ESYT2: variants seen among roughly 807,000 people sequenced by gnomAD.
ESYT2 encodes the protein extended synaptotagmin 2.
In ESYT2, 54 loss-of-function variants were observed where a neutral mutation model predicts 107.2. The observed-to-expected ratio is 0.50, with a 90% CI of 0.40 to 0.63. ESYT2 has a LOEUF of 0.63. Ranked by LOEUF, ESYT2 falls within the 30% of genes least tolerant of loss-of-function variation. The probability of loss-of-function intolerance (pLI) is 0.00; values close to 1 mark genes in which losing one functional copy is unlikely to be tolerated. For missense variants in ESYT2, 1,020 were observed against 1,094.5 expected (o/e 0.93, Z 0.96); for synonymous variants, 491 against 434.1 (o/e 1.13, Z -1.63).
intron 4 of ESYT2, among the ~76,000 whole-genome samples, chr7:158,791,057 T>C (rs770563153): frequency 2.6e-5 from 4 of 152,182 alleles, no homozygotes; most frequent in Non-Finnish European, 5.9e-5. Flanking sequence ...CGGACCATTT[T>C]TCAACTTGCA....
intron 16 of ESYT2, among the ~76,000 whole-genome samples, chr7:158,745,522 C>A (rs898648534): frequency 5.3e-5 from 8 of 152,210 alleles, no homozygotes; most frequent in Non-Finnish European, 8.8e-5. Context: ...ATTCATGAGA[C>A]ACTCGCCAAC....
At chr7:158,786,544 C>T (rs1200242039) in intron 6 of ESYT2, among the ~76,000 whole-genome samples, 5 of 152,194 alleles carry the variant, frequency 3.3e-5, no homozygotes, top group Middle Eastern at 3.4e-3. Flanking sequence ...TCCCATGTTT[C>T]GTGTACTTAA....
chr7:158,736,886 T>C (rs1262450622), intron 20 of ESYT2, among the ~76,000 whole-genome samples, 162 bp downstream of exon 20: 4 of 152,214 alleles, frequency 2.6e-5, no homozygotes, highest in Admixed American at 1.3e-4. Context: ...AAGGTCAAAA[T>C]GCTTATTTGT....
intron 12 of ESYT2, 79 bp from the exon 13 acceptor site, chr7:158,759,660 G>T: frequency 1.7e-6 from 2 of 1,183,610 alleles, no homozygotes; most frequent in Non-Finnish European, 2.4e-6. Flanking sequence ...GTATCATGTT[G>T]ATTACGCTAA....
At chr7:158,796,949 G>GGGAA (rs1563026304) in intron 3 of ESYT2, among the ~76,000 whole-genome samples, 1 of 149,210 alleles carries the variant, frequency 6.7e-6, no homozygotes, top group African/African-American at 2.5e-5. Flanking sequence ...GAGCCTGAGT[G>GGGAA]ACAGAGACAG....
At chr7:158,734,913 AC>A (rs112195763) in intron 21 of ESYT2, among the ~76,000 whole-genome samples, 34 of 152,258 alleles carry the variant, frequency 2.2e-4, no homozygotes, top group East Asian at 1.4e-3. Context: ...GAAGGCTCTT[AC>A]TTTTTCAATC....
intron 8 of ESYT2, among the ~76,000 whole-genome samples, chr7:158,767,339 G>C (rs190597733): frequency 6.6e-6 from 1 of 152,170 alleles, no homozygotes; most frequent in African/African-American, 2.4e-5. Flanking sequence ...AACAAATGCA[G>C]TATGTGCTTT....
chr7:158,823,794 AG>A (rs1246512872), intron 1 of ESYT2, among the ~76,000 whole-genome samples: 5 of 152,220 alleles, frequency 3.3e-5, no homozygotes, highest in African/African-American at 1.2e-4. Context: ...AAACGATCAT[AG>A]GTTCATTAGG....
At chr7:158,814,327 ATATATATATATATATATATG>A (rs1409854903) in intron 1 of ESYT2, among the ~76,000 whole-genome samples, 223 of 6,176 alleles carry the variant, frequency 0.036, 27 homozygotes, top group African/African-American at 0.065. Flanking sequence ...ATATATATAT[ATATATATATATATATATATG>A]AAATAATATA....
In ESYT2 at chr7:158,799,087, C is replaced by T; in HGVS notation, c.331-15G>A. On this transcript the variant is annotated splice_polypyrimidine_tract_variant and intron_variant, in intron 1 of 22. Transcript: ENST00000275418. ...GGAAAATGAACCTAGGAGGAAAATA[C>T]ACACATATGACTTATTAACTCCCAA... The T allele has an allele frequency of 6.2e-7, 1 of 1,611,796 alleles. No homozygotes were observed. Among genetic ancestry groups the T allele is most frequent in the Non-Finnish European group, 8.5e-7 (1 of 1,178,192 alleles).
intron 1 of ESYT2, among the ~76,000 whole-genome samples, chr7:158,828,047 C>CCA (rs200333020): frequency 1.4e-4 from 21 of 151,778 alleles, no homozygotes; most frequent in African/African-American, 4.4e-4. Flanking sequence ...AAACTTCCTG[C>CCA]CACACACACA....
intron 1 of ESYT2, among the ~76,000 whole-genome samples, chr7:158,818,923 G>GC (rs1366935363): frequency 6.6e-6 from 1 of 152,238 alleles, no homozygotes; most frequent in Non-Finnish European, 1.5e-5. Context: ...CAGAAGGGCA[G>GC]CCCCACTCGC....
At position 158,809,886 on chromosome 7, in the gene ESYT2, G is replaced by A. The variant is rs192631316; in HGVS notation, c.331-10814C>T. ...TTCTGTAGCTCACTTTCTTTTTTCT[G>A]CTCATAAATCTTCTTCCACTACATG... On this transcript the variant is annotated intron_variant, in intron 1 of 22. Coordinates refer to ENST00000275418, the MANE Select transcript of ESYT2 (RefSeq NM_001367773.1). Among the ~76,000 whole-genome samples the A allele has an allele frequency of 4.1e-3, 621 of 152,232 alleles. 6 individuals carry two copies. Among genetic ancestry groups the A allele is most frequent in the African/African-American group, 0.014 (563 of 41,532 alleles).
intron 2 of ESYT2, among the ~76,000 whole-genome samples, chr7:158,798,327 A>G (rs1839532267): frequency 6.6e-6 from 1 of 152,204 alleles, no homozygotes; most frequent in Non-Finnish European, 1.5e-5. Flanking sequence ...AAAGATTTCT[A>G]GAAGTCCTGT....
At chr7:158,777,606 T>TC (rs1167607503) in intron 6 of ESYT2, among the ~76,000 whole-genome samples, 19 of 152,192 alleles carry the variant, frequency 1.2e-4, no homozygotes, top group African/African-American at 4.3e-4. Flanking sequence ...ACTGTAAGTT[T>TC]CCTGAGGCCT....
chr7:158,815,632 A>G (rs1288583845), intron 1 of ESYT2, among the ~76,000 whole-genome samples: 3 of 152,114 alleles, frequency 2.0e-5, no homozygotes, highest in Non-Finnish European at 4.4e-5. Flanking sequence ...CACTTGTGTA[A>G]CTTATGGTGC....
chr7:158,805,028 C>T (rs951950021), intron 1 of ESYT2, among the ~76,000 whole-genome samples: 2 of 152,182 alleles, frequency 1.3e-5, no homozygotes, highest in African/African-American at 4.8e-5. Flanking sequence ...TCCAGGCACA[C>T]GGCGCTTCAA....
chr7:158,770,119 G>A (rs1587416888), intron 7 of ESYT2, among the ~76,000 whole-genome samples: 1 of 151,932 alleles, frequency 6.6e-6, no homozygotes, highest in Non-Finnish European at 1.5e-5. Flanking sequence ...TCAAACTCCC[G>A]ACCTCAGGCG....
intron 17 of ESYT2, among the ~76,000 whole-genome samples, chr7:158,742,626 G>A (rs1484342370): frequency 2.0e-5 from 3 of 152,202 alleles, no homozygotes; most frequent in African/African-American, 2.4e-5. Flanking sequence ...GGGGGTTCCC[G>A]CAGGGCCTGG....
Sources: allele counts gnomAD v4.1 joint callset (sites outside exome capture counted in the v4.1 genomes callset), GRCh38; gene constraint gnomAD v4.1.1; transcripts MANE v1.5; gene names NCBI Gene and HGNC (gene_info 2026-07-23, HGNC 2026-07-21).